The following GRIP1 variants were observed in gnomAD, a reference collection of about 807,000 sequenced individuals.
GRIP1 encodes the protein glutamate receptor-interacting protein 1.
A neutral mutation model predicts 129.9 loss-of-function variants in GRIP1; 45 were observed. That is an observed-to-expected ratio of 0.35 (90% CI 0.27 to 0.44). GRIP1 has a LOEUF of 0.44. Ranked by LOEUF, GRIP1 falls within the 20% of genes least tolerant of loss-of-function variation. GRIP1 has a pLI of 1.00. For synonymous variants in GRIP1, 530 were observed against 520.8 expected (o/e 1.02, Z -0.24); for missense variants, 1,196 against 1,396.8 (o/e 0.86, Z 2.29).
chr12:66,608,216 C>T (rs1373701115), intron 1 of GRIP1, among the ~76,000 whole-genome samples: 1 of 152,138 alleles, frequency 6.6e-6, no homozygotes, highest in Non-Finnish European at 1.5e-5. Flanking sequence ...CTGTCAGAAT[C>T]CAGGGAGTCT....
At chr12:66,775,375 A>G (rs2037947658) in intron 1 of GRIP1, among the ~76,000 whole-genome samples, 1 of 152,236 alleles carries the variant, frequency 6.6e-6, no homozygotes, top group Admixed American at 6.5e-5. Context: ...CATCTTTGAC[A>G]ACACAGTAGA....
At chr12:66,965,181 A>T (rs569462781) in intron 1 of GRIP1, among the ~76,000 whole-genome samples, 1 of 150,994 alleles carries the variant, frequency 6.6e-6, no homozygotes, top group Non-Finnish European at 1.5e-5. Flanking sequence ...GCCCTAAAAA[A>T]CTCCCCATTC....
At chr12:66,743,025 G>T (rs1240255339) in intron 1 of GRIP1, among the ~76,000 whole-genome samples, 8 of 152,106 alleles carry the variant, frequency 5.3e-5, no homozygotes, top group Admixed American at 5.2e-4. Flanking sequence ...GATTGGAAGA[G>T]ATGTCTACTT....
intron 1 of GRIP1, among the ~76,000 whole-genome samples, chr12:66,825,236 T>C (rs80210595): frequency 0.013 from 1,990 of 152,266 alleles, 60 homozygotes; most frequent in African/African-American, 0.045. Context: ...AGTAGTTAGT[T>C]TATAAGCAAA....
chr12:66,989,534 A>G (rs1334772562), intron 1 of GRIP1, among the ~76,000 whole-genome samples: 1 of 152,196 alleles, frequency 6.6e-6, no homozygotes, highest in African/African-American at 2.4e-5. Flanking sequence ...AAGTGGCCTG[A>G]TGGCAAAATT....
chr12:66,662,243 C>G (rs1356162928), intron 1 of GRIP1, among the ~76,000 whole-genome samples: 1 of 152,004 alleles, frequency 6.6e-6, no homozygotes, highest in Non-Finnish European at 1.5e-5. Context: ...ATCCTGACTG[C>G]CCCCTTGTTA....
At chr12:66,480,450 T>C (rs534619391) in intron 7 of GRIP1, among the ~76,000 whole-genome samples, 2 of 152,238 alleles carry the variant, frequency 1.3e-5, no homozygotes, top group East Asian at 3.9e-4. Context: ...TTCTCATGGA[T>C]AGGAAGAATC....
At chr12:66,401,609 T>TATATATATATATATATATATATATAC (rs1169241331) in intron 16 of GRIP1, among the ~76,000 whole-genome samples, 74 of 110,148 alleles carry the variant, frequency 6.7e-4, no homozygotes, top group African/African-American at 2.6e-3. Context: ...TATATATATA[T>TATATATATATATATATATATATATAC]ACACACACAC....
intron 1 of GRIP1, among the ~76,000 whole-genome samples, chr12:66,662,036 A>G (rs1237578975): frequency 6.6e-6 from 1 of 152,142 alleles, no homozygotes; most frequent in Non-Finnish European, 1.5e-5. Context: ...ATTATTCTAA[A>G]GTATCCATAC....
chr12:66,526,704 C>T (rs970444596), intron 5 of GRIP1, among the ~76,000 whole-genome samples: 2 of 151,624 alleles, frequency 1.3e-5, no homozygotes, highest in African/African-American at 2.4e-5. Flanking sequence ...TAAAGAGCTT[C>T]TGCACAGCAA....
intron 15 of GRIP1, among the ~76,000 whole-genome samples, chr12:66,419,339 G>C (rs979458879): frequency 6.6e-6 from 1 of 152,072 alleles, no homozygotes; most frequent in Non-Finnish European, 1.5e-5. Context: ...AGTAGGGATG[G>C]TTAATGGGTA....
chr12:66,452,066 C>G (rs1381800967), intron 11 of GRIP1, among the ~76,000 whole-genome samples: 1 of 152,216 alleles, frequency 6.6e-6, no homozygotes, highest in Non-Finnish European at 1.5e-5. Flanking sequence ...GAAATGTGTT[C>G]TAACTTCTAC....
At chr12:66,449,511 T>C (rs892081956) in intron 11 of GRIP1, among the ~76,000 whole-genome samples, 1 of 152,146 alleles carries the variant, frequency 6.6e-6, no homozygotes, top group Admixed American at 6.5e-5. Flanking sequence ...AAGGTTAACA[T>C]AGCCTGCAGT....
At chr12:66,953,257 T>C (rs1272633274) in intron 1 of GRIP1, among the ~76,000 whole-genome samples, 1 of 152,154 alleles carries the variant, frequency 6.6e-6, no homozygotes, top group African/African-American at 2.4e-5. Flanking sequence ...ACTACGATTA[T>C]GCAAAGGCTA....
intron 14 of GRIP1, among the ~76,000 whole-genome samples, chr12:66,424,583 C>G (rs1420762969): frequency 1.3e-5 from 2 of 152,128 alleles, no homozygotes; most frequent in Non-Finnish European, 2.9e-5. Context: ...TTTCCCAATA[C>G]CATTTTGTCA....
chr12:67,009,990 G>A (rs1335459163), intron 1 of GRIP1, among the ~76,000 whole-genome samples: 1 of 152,138 alleles, frequency 6.6e-6, no homozygotes, highest in East Asian at 1.9e-4. Flanking sequence ...TGTAATGAAT[G>A]CAAGGGCGTA....
At chr12:66,687,223 A>G (rs1592743979) in intron 1 of GRIP1, among the ~76,000 whole-genome samples, 1 of 152,350 alleles carries the variant, frequency 6.6e-6, no homozygotes, top group South Asian at 2.1e-4. Context: ...TTCTGATACA[A>G]TGAAGTGGAA....
chr12:66,651,756 C>T (rs1242646343), intron 1 of GRIP1, among the ~76,000 whole-genome samples: 1 of 151,942 alleles, frequency 6.6e-6, no homozygotes, highest in East Asian at 1.9e-4. Flanking sequence ...ATGGACCTAA[C>T]TTTGAGGAGG....
At chr12:66,832,898 C>T (rs945258727) in intron 1 of GRIP1, among the ~76,000 whole-genome samples, 8 of 152,268 alleles carry the variant, frequency 5.3e-5, no homozygotes, top group African/African-American at 1.9e-4. Context: ...AAGTCTCTGA[C>T]CCATGATCCT....
Sources: gnomAD v4.1 joint callset for allele counts (sites outside exome capture counted in the v4.1 genomes callset) on GRCh38, gnomAD v4.1.1 for gene constraint, MANE v1.5 for transcripts, NCBI Gene and HGNC (gene_info 2026-07-23, HGNC 2026-07-21) for gene names.